Variants in LRP5 observed in about 807,000 individuals in gnomAD.
The protein encoded by LRP5 is low-density lipoprotein receptor-related protein 5.
In LRP5, 62 loss-of-function variants were observed where a neutral mutation model predicts 154.1. The observed-to-expected ratio is 0.40, with a 90% confidence interval of 0.33 to 0.50. The LOEUF is 0.50. LRP5 is among the 20% of genes least tolerant of loss of function. LRP5 has a pLI of 0.55. For missense variants in LRP5, 1,915 were observed against 2,336.7 expected (o/e 0.82, Z 3.72); for synonymous variants, 966 against 1,011.5 (o/e 0.96, Z 0.85).
intron 3 of LRP5, among the ~76,000 whole-genome samples, chr11:68,361,025 G>C (rs1160968214): frequency 1.0e-5 from 1 of 96,834 alleles, no homozygotes; most frequent in Non-Finnish European, 2.1e-5. Flanking sequence ...AAAAAAAAAG[G>C]CTGGGCGCGG....
chr11:68,408,073 TTTGTTG>T (rs370643540), intron 9 of LRP5, among the ~76,000 whole-genome samples: 1 of 151,796 alleles, frequency 6.6e-6, no homozygotes, highest in African/African-American at 2.4e-5. Context: ...TTTTCTGCTT[TTTGTTG>T]TTGTTGTTGT....
Position 68,433,638 on chromosome 11 carries a change from C to G in LRP5, c.3800C>G (p.Ala1267Gly). The G allele has an allele frequency of 6.2e-7, 1 of 1,613,542 alleles. No individual in the cohort carries two copies. The highest frequency in any genetic ancestry group is 8.5e-7 in the Non-Finnish European group (1 of 1,180,004). ...TGCTCCCCGGACCAGTTTGCATGTGCCACAGGGGAGATCGACTGTATCCCC... is the reference window on the plus strand; with the variant it reads ...TGCTCCCCGGACCAGTTTGCATGTGGCACAGGGGAGATCGACTGTATCCCC... ...PTCSPDQFACATGEIDCIPGA... is the reference protein window; with the variant it reads ...PTCSPDQFACGTGEIDCIPGA... The change falls in exon 18 of 23, where the codon GCC becomes GGC. Residue 1267 changes from alanine to glycine, a missense_variant. Coordinates refer to ENST00000294304, the MANE Select transcript of LRP5 (RefSeq NM_002335.4).
At chr11:68,391,260 C>T (rs369783475) in intron 7 of LRP5, among the ~76,000 whole-genome samples, 91 of 152,304 alleles carry the variant, frequency 6.0e-4, no homozygotes, top group South Asian at 2.7e-3. Context: ...TGAGCCACCG[C>T]GCCCAGCCTC....
intron 13 of LRP5, among the ~76,000 whole-genome samples, chr11:68,419,277 GGCTGGAGT>G (rs2098664227): frequency 6.6e-6 from 1 of 152,176 alleles, no homozygotes; most frequent in African/African-American, 2.4e-5. Flanking sequence ...CCAGTGCCCA[GGCTGGAGT>G]GCAGTGGTGC....
chr11:68,311,129 A>G (rs1372560986), upstream of LRP5, among the ~76,000 whole-genome samples: 1 of 152,168 alleles, frequency 6.6e-6, no homozygotes, highest in Non-Finnish European at 1.5e-5. Context: ...TATCTTGAAA[A>G]TAGAACCCCA....
intron 5 of LRP5, among the ~76,000 whole-genome samples, chr11:68,374,690 C>A (rs1294974861): frequency 6.6e-6 from 1 of 152,186 alleles, no homozygotes; most frequent in Non-Finnish European, 1.5e-5. Flanking sequence ...CAACCCCCGC[C>A]CCCTCCACCA....
At chr11:68,324,718 G>T (rs1565317315) in intron 1 of LRP5, among the ~76,000 whole-genome samples, 1 of 152,260 alleles carries the variant, frequency 6.6e-6, no homozygotes, top group Non-Finnish European at 1.5e-5. Flanking sequence ...CACTGGCAGA[G>T]CAGAGGCTGG....
At position 68,406,654 on chromosome 11, in the gene LRP5, G is replaced by A. The variant is rs2277268; in HGVS notation, c.1932G>A (p.Glu644=). ...LSDMKTCIVP[E]AFLVFTSRAA... ...ACATGAAGACCTGCATCGTGCCTGA[G>A]GCCTTCTTGGTCTTCACCAGCAGAG... The change falls in exon 9 of 23, where the codon GAG becomes GAA. Residue 644 remains glutamate (E), a synonymous_variant. Coordinates refer to ENST00000294304, the MANE Select transcript of LRP5 (RefSeq NM_002335.4). 0.067 allele frequency: 108,331 copies of A among 1,614,058 alleles called. 3,876 individuals are homozygous for A. Among genetic ancestry groups the A allele is most frequent in the Middle Eastern group, 0.12 (755 of 6,062 alleles).
intron 4 of LRP5, among the ~76,000 whole-genome samples, chr11:68,364,256 C>G (rs1036446705): frequency 8.6e-5 from 13 of 151,720 alleles, no homozygotes; most frequent in African/African-American, 3.1e-4. Context: ...GCCTCGTTTT[C>G]AAGGCCCAGA....
Position 68,339,186 on chromosome 11 carries a change from G to A in LRP5, c.92-8661G>A, listed in dbSNP as rs538069993. Among the ~76,000 whole-genome samples, 7 of 150,838 alleles carry A rather than the reference G, an allele frequency of 4.6e-5. No individual in the cohort carries two copies. The East Asian group carries it at 1.4e-3, about 30-fold the overall frequency. Reference sequence around the variant, plus strand: ...ACCGCGTCGGGCCTTTTTTGTTTTTGTTTTTTTGAGACAGAGTCTCCTTCT... The same window carrying A: ...ACCGCGTCGGGCCTTTTTTGTTTTTATTTTTTTGAGACAGAGTCTCCTTCT... On this transcript the variant is annotated intron_variant, in intron 1 of 22. Transcript: ENST00000294304.
At chr11:68,432,026 T>C (rs2098672217) in intron 17 of LRP5, among the ~76,000 whole-genome samples, 1 of 152,232 alleles carries the variant, frequency 6.6e-6, no homozygotes, top group African/African-American at 2.4e-5. Flanking sequence ...GTCTCGGACA[T>C]GGACCCTTTG....
At position 68,447,388 on chromosome 11, in the gene LRP5, C is replaced by T. The variant is rs527704144; in HGVS notation, c.4586+855C>T. Among the ~76,000 whole-genome samples the T allele has an allele frequency of 1.2e-4, 19 of 152,316 alleles. No homozygotes were observed. Among genetic ancestry groups the T allele is most frequent in the Admixed American group, 8.5e-4 (13 of 15,308 alleles). The stretch of plus-strand genomic sequence containing the variant: ...GCAGGGCCTCCCGAGTGTGGTGCCG[C>T]CTGCCACCTAGTGGCCATTTCCACG... On this transcript the variant is annotated intron_variant, in intron 22 of 22. Coordinates refer to ENST00000294304, the MANE Select transcript of LRP5 (RefSeq NM_002335.4). This position sits in a 1 kb window ranked among gnomAD's most constrained non-coding sequence, Gnocchi z 4.3.
In LRP5 at chr11:68,433,701, A is replaced by G. The variant is rs762014835; in HGVS notation, c.3863A>G (p.Asp1288Gly). Residue 1288 changes from aspartate (D) to glycine (G), a missense_variant, in exon 18 of 23, where the codon GAC becomes GGC. Asp to Gly is a moderately conservative substitution (Grantham distance 94). This residue lies in a region of LRP5 where 1,094 missense variants were observed against 1,210.1 expected (regional missense o/e 0.90). Transcript: ENST00000294304. ...TGTGACGGCTTTCCCGAGTGCGATG[A>G]CCAGAGCGACGAGGAGGGCTGCCCC... The part of the protein sequence containing the change: ...WRCDGFPECD[D>G]QSDEEGCPVC... 3.7e-6 allele frequency: 6 copies of G among 1,613,016 alleles called. No homozygotes were observed. Among genetic ancestry groups the G allele is most frequent in the Non-Finnish European group, 5.1e-6 (6 of 1,179,952 alleles).
chr11:68,444,009 T>C (rs995906498), intron 21 of LRP5, among the ~76,000 whole-genome samples: 3 of 152,114 alleles, frequency 2.0e-5, no homozygotes, highest in African/African-American at 7.2e-5. Flanking sequence ...TTCACATCTT[T>C]AATTCTTCTG....
chr11:68,363,970 G>C (rs753612078), intron 4 of LRP5, 27 bp downstream of exon 4: 1 of 1,441,314 alleles, frequency 6.9e-7, no homozygotes, highest in South Asian at 1.3e-5. Flanking sequence ...GCGCGGGGGC[G>C]AGGGTGCGGG....
Position 68,413,775 on chromosome 11 carries a change from A to C in LRP5, c.2590A>C (p.Asn864His), listed in dbSNP as rs761455808. ...CGATTATATCTACTGGACAGACTGG[A>C]ATCTGCACAGCATTGAGCGGGCCGA... ...YSDYIYWTDWNLHSIERADKT... is the reference protein window; with the variant it reads ...YSDYIYWTDWHLHSIERADKT... Residue 864 changes from asparagine (N) to histidine (H), a missense_variant, in exon 12 of 23, where the codon AAT becomes CAT. By Grantham distance (68) the Asn-to-His change is moderately conservative. Transcript: ENST00000294304. This position sits in a 1 kb window ranked among gnomAD's most constrained non-coding sequence, Gnocchi z 5.1. 1 of 1,613,368 alleles carries C rather than the reference A, an allele frequency of 6.2e-7. No individual in the cohort carries two copies. Among genetic ancestry groups the C allele is most frequent in the African/African-American group, 1.3e-5 (1 of 75,034 alleles).
intron 16 of LRP5, among the ~76,000 whole-genome samples, chr11:68,426,587 C>G (rs1211145298): frequency 6.7e-6 from 1 of 150,360 alleles, no homozygotes; most frequent in Admixed American, 6.6e-5. Flanking sequence ...ACCACCACAC[C>G]TGGCTAATTT....
intron 20 of LRP5, among the ~76,000 whole-genome samples, chr11:68,439,369 G>A (rs1362354701): frequency 6.6e-6 from 1 of 152,222 alleles, no homozygotes; most frequent in Non-Finnish European, 1.5e-5. Flanking sequence ...GGATGGCAGG[G>A]TATAGATGTA....
intron 7 of LRP5, among the ~76,000 whole-genome samples, chr11:68,395,169 T>C (rs1426009656): frequency 1.3e-5 from 2 of 151,834 alleles, no homozygotes; most frequent in Non-Finnish European, 2.9e-5. Context: ...GGCGTGATGG[T>C]GCATACCTGT....
Sources: gnomAD v4.1 joint callset for allele counts (sites outside exome capture counted in the v4.1 genomes callset) on GRCh38, gnomAD v4.1.1 for gene constraint, gnomAD v4.1.1 regional missense constraint, Gnocchi (gnomAD v3.1) non-coding constraint, MANE v1.5 for transcripts, NCBI Gene and HGNC (gene_info 2026-07-23, HGNC 2026-07-21) for gene names.